IFFO2: variants seen among roughly 807,000 people sequenced by gnomAD.
IFFO2 encodes the protein intermediate filament family orphan 2.
In IFFO2, 19 loss-of-function variants were observed where a neutral mutation model predicts 53.5. The ratio of observed to expected loss-of-function variants is 0.36; its 90% CI spans 0.25 to 0.52. The LOEUF (loss-of-function observed/expected upper bound fraction) is 0.52, where lower values mean the gene tolerates loss of function less well. IFFO2 is among the 20% of genes least tolerant of loss of function. The probability of loss-of-function intolerance (pLI) is 0.94; values close to 1 mark genes in which losing one functional copy is unlikely to be tolerated. For synonymous variants in IFFO2, 303 were observed against 313.6 expected, an observed-to-expected ratio of 0.97 and a Z score of 0.36; for missense variants, 570 against 727.4, an observed-to-expected ratio of 0.78 and a Z score of 2.49.
At position 18,919,595 on chromosome 1, in the gene IFFO2, C is replaced by CCGGAGCCT. The variant is rs1936187621; in HGVS notation, c.822+75_822+82dup. On this transcript the variant is annotated intron_variant, in intron 3 of 8. Coordinates refer to ENST00000455833, the MANE Select transcript of IFFO2 (RefSeq NM_001136265.2). The surrounding 1 kb of genome is among the most constrained non-coding windows in gnomAD (Gnocchi z 4.9). ...CAGGATTCTAACTAGAAGCCGAGCCCCGGAGCCTCGGAGGGAATGAAGCAT... is the reference window on the plus strand; with the variant it reads ...CAGGATTCTAACTAGAAGCCGAGCCCCGGAGCCTCGGAGCCTCGGAGGGAATGAAGCAT... The CCGGAGCCT allele has an allele frequency of 4.3e-6, 4 of 923,148 alleles. No individual in the cohort carries two copies. The Admixed American group carries it at 8.1e-5, about 19-fold the overall frequency. The allele number at this position is 923,148 out of a possible 1,614,324, so 57.2% of individuals were successfully genotyped here.
In IFFO2 at chr1:18,908,295, C is replaced by T. The variant is rs1436907519; in HGVS notation, c.*266G>A. 4.4e-6 allele frequency: 2 copies of T among 459,166 alleles called. No homozygotes were observed. The highest frequency in any genetic ancestry group is 4.0e-5 in the African/African-American group (2 of 50,458). The allele number at this position is 459,166 out of a possible 1,614,324, so 28.4% of individuals were successfully genotyped here. On this transcript the variant is annotated 3_prime_UTR_variant, in exon 9 of 9. Coordinates refer to ENST00000455833, the MANE Select transcript of IFFO2 (RefSeq NM_001136265.2). Reference sequence around the variant, plus strand: ...GGCACAGTTAACACTGCAAAGTCCGCACAGAAGTCTGCATTTGTAATGTGG... The same window carrying T: ...GGCACAGTTAACACTGCAAAGTCCGTACAGAAGTCTGCATTTGTAATGTGG...
intron 1 of IFFO2, among the ~76,000 whole-genome samples, chr1:18,926,498 G>T (rs1936299586): frequency 6.6e-6 from 1 of 152,198 alleles, no homozygotes; most frequent in Non-Finnish European, 1.5e-5. Flanking sequence ...AAGCAGCTGA[G>T]ATCAGGGGCC....
chr1:18,921,252 C>A, intron 1 of IFFO2, 131 bp from the exon 2 acceptor site: 1 of 763,022 alleles, frequency 1.3e-6, no homozygotes, highest in South Asian at 1.6e-5. Context: ...GGGCATCCAT[C>A]CCTGCCTGCC....
rs972246435 is a variant in IFFO2, at chr1:18,905,968, G to A, written c.*2593C>T. On this transcript the variant is annotated 3_prime_UTR_variant, in exon 9 of 9. Coordinates refer to ENST00000455833, the MANE Select transcript of IFFO2 (RefSeq NM_001136265.2). Reference sequence around the variant, plus strand: ...TAGGACTGGTGCTGCCCCAGCGAGCGTTGGGGTCTTTCTTGGCAAGCTGTG... The same window carrying A: ...TAGGACTGGTGCTGCCCCAGCGAGCATTGGGGTCTTTCTTGGCAAGCTGTG... 3.3e-5 allele frequency: 5 copies of A among 152,254 alleles called. No individual in the cohort carries two copies. The highest frequency in any genetic ancestry group is 2.1e-4 in the South Asian group (1 of 4,836). The allele number at this position is 152,254 out of a possible 1,614,324, so 9.4% of individuals were successfully genotyped here.
At chr1:18,927,713 G>A (rs1250039429) in intron 1 of IFFO2, among the ~76,000 whole-genome samples, 1 of 152,272 alleles carries the variant, frequency 6.6e-6, no homozygotes, top group African/African-American at 2.4e-5. Context: ...TGGAAGAAGA[G>A]GCTGCAGGCA....
At chr1:18,940,404 T>G (rs1304291031) in intron 1 of IFFO2, among the ~76,000 whole-genome samples, 3 of 152,076 alleles carry the variant, frequency 2.0e-5, no homozygotes, top group African/African-American at 7.2e-5. Flanking sequence ...CTAACCAATC[T>G]CTAAGGACTC....
chr1:18,928,900 T>C lies in IFFO2; in HGVS notation c.666-7779A>G, dbSNP rs543072912. Among the ~76,000 whole-genome samples the C allele has an allele frequency of 6.6e-6, 1 of 152,246 alleles. No homozygotes were observed. The highest frequency in any genetic ancestry group is 2.4e-5 in the African/African-American group (1 of 41,546). On this transcript the variant is annotated intron_variant, in intron 1 of 8. Transcript: ENST00000455833. The surrounding 1 kb of genome is among the most constrained non-coding windows in gnomAD (Gnocchi z 4.9). ...TGGTGACAGCCTCAGGGATACCAAC[T>C]CCATCCGGAGTTATCCTGGGTGCCA...
At chr1:18,948,603 G>C (rs1389296924) in intron 1 of IFFO2, among the ~76,000 whole-genome samples, 2 of 152,230 alleles carry the variant, frequency 1.3e-5, no homozygotes, top group Non-Finnish European at 2.9e-5. Flanking sequence ...GTGGGTGGGA[G>C]GACACTCCCC....
chr1:18,921,009 C>A lies in IFFO2; in HGVS notation c.726+52G>T, dbSNP rs190294962. On this transcript the variant is annotated intron_variant, in intron 2 of 8. Transcript: ENST00000455833. ...CCGCATGAAGACTGTGCCCCTTGGC[C>A]ACATGGCTCTCTGGCGTGCCTCTCC... 2.9e-5 allele frequency: 43 copies of A among 1,507,778 alleles called. No homozygotes were observed. In the East Asian group the frequency reaches 1.0e-3, roughly 36 times the overall value. The allele number at this position is 1,507,778 out of a possible 1,614,324, so 93.4% of individuals were successfully genotyped here.
In IFFO2 at chr1:18,936,259, T is replaced by G. The variant is rs2148182150; in HGVS notation, c.666-15138A>C. On this transcript the variant is annotated intron_variant, in intron 1 of 8. Coordinates refer to ENST00000455833, the MANE Select transcript of IFFO2 (RefSeq NM_001136265.2). This position sits in a 1 kb window ranked among gnomAD's most constrained non-coding sequence, Gnocchi z 4.5. ...AACAACCTCCACAGTCCAGGCCAAC[T>G]CTGCTACTCTCTTCTCTGCACCTTG... is the stretch of plus-strand genomic sequence containing the variant. Among the ~76,000 whole-genome samples, 1 of 152,312 alleles carries G rather than the reference T, an allele frequency of 6.6e-6. No homozygotes were observed. Among genetic ancestry groups the G allele is most frequent in the African/African-American group, 2.4e-5 (1 of 41,560 alleles).
intron 1 of IFFO2, among the ~76,000 whole-genome samples, chr1:18,943,910 G>A (rs944616831): frequency 2.0e-5 from 3 of 152,222 alleles, no homozygotes; most frequent in Non-Finnish European, 4.4e-5. Flanking sequence ...TACAGGCTCC[G>A]AGTCATGCCT....
chr1:18,948,807 C>A (rs1395352121), intron 1 of IFFO2, among the ~76,000 whole-genome samples: 1 of 152,254 alleles, frequency 6.6e-6, no homozygotes, highest in Non-Finnish European at 1.5e-5. Flanking sequence ...AGGGCCAGCA[C>A]AGATCTGCCT....
intron 1 of IFFO2, among the ~76,000 whole-genome samples, chr1:18,948,283 A>C (rs1936615243): frequency 6.6e-6 from 1 of 152,226 alleles, no homozygotes; most frequent in Non-Finnish European, 1.5e-5. Flanking sequence ...CATTGTACAG[A>C]GCGACAAACT....
chr1:18,934,057 CTTTT>C (rs71577808), intron 1 of IFFO2, among the ~76,000 whole-genome samples: 17 of 70,314 alleles, frequency 2.4e-4, no homozygotes, highest in African/African-American at 1.0e-3. Context: ...TCTCTTATTT[CTTTT>C]TTTTTTTTTT....
intron 1 of IFFO2, among the ~76,000 whole-genome samples, chr1:18,922,651 C>T (rs9426696): frequency 0.32 from 49,320 of 151,840 alleles, 10,582 homozygotes; most frequent in African/African-American, 0.61. Context: ...GGCTCCCGGG[C>T]CCGGACCTGG....
At chr1:18,933,042 A>G (rs1936399233) in intron 1 of IFFO2, among the ~76,000 whole-genome samples, 1 of 152,252 alleles carries the variant, frequency 6.6e-6, no homozygotes, top group African/African-American at 2.4e-5. Context: ...CCAGGACAGA[A>G]TCAACAAACA....
chr1:18,926,050 TGGATTGGTTGGATGGATGGA>T (rs1936289231), intron 1 of IFFO2, among the ~76,000 whole-genome samples: 2 of 93,098 alleles, frequency 2.1e-5, no homozygotes, highest in African/African-American at 1.0e-4. Context: ...GATGGATGGA[TGGATTGGTTGGATGGATGGA>T]TGGATGGATG....
chr1:18,918,438 C>A lies in IFFO2; in HGVS notation c.887G>T (p.Arg296Leu). 1 of 1,561,540 alleles carries A rather than the reference C, an allele frequency of 6.4e-7. No homozygotes were observed. Among genetic ancestry groups the A allele is most frequent in the Non-Finnish European group, 8.7e-7 (1 of 1,152,400 alleles). ...CAGCTTGGCCGTGATATCGATTCGG[C>A]GGCAGATGTCCATGTCCACCTTCAT... ...KAMKVDMDIC[R>L]RIDITAKLCD... Residue 296 changes from arginine (R) to leucine (L), a missense_variant, in exon 4 of 9, where the codon CGC becomes CTC. Coordinates refer to ENST00000455833, the MANE Select transcript of IFFO2 (RefSeq NM_001136265.2). This position sits in a 1 kb window ranked among gnomAD's most constrained non-coding sequence, Gnocchi z 5.2.
intron 1 of IFFO2, among the ~76,000 whole-genome samples, chr1:18,945,671 A>G (rs1359000015): frequency 1.3e-5 from 2 of 152,232 alleles, no homozygotes; most frequent in Non-Finnish European, 2.9e-5. Context: ...TCTCAGAGAC[A>G]GCTCAGAGAC....
Sources: allele counts gnomAD v4.1 joint callset (sites outside exome capture counted in the v4.1 genomes callset), GRCh38; gene constraint gnomAD v4.1.1; non-coding constraint Gnocchi (gnomAD v3.1); transcripts MANE v1.5; gene names NCBI Gene and HGNC (gene_info 2026-07-23, HGNC 2026-07-21).